CPSF7: variants seen among roughly 807,000 people sequenced by gnomAD.
CPSF7 encodes the protein cleavage and polyadenylation specificity factor subunit 7.
Under a neutral mutation model 44.3 loss-of-function variants are expected in CPSF7, and 1 was observed. That is an observed-to-expected ratio of 0.02 (90% CI 0.01 to 0.11). The LOEUF (loss-of-function observed/expected upper bound fraction) is 0.11, where lower values mean the gene tolerates loss of function less well. CPSF7 is among the 10% of genes least tolerant of loss of function. The probability of loss-of-function intolerance (pLI) is 1.00; values close to 1 mark genes in which losing one functional copy is unlikely to be tolerated. For missense variants in CPSF7, 443 were observed against 607.2 expected, an observed-to-expected ratio of 0.73 and a Z score of 2.84; for synonymous variants, 202 against 222.0, an observed-to-expected ratio of 0.91 and a Z score of 0.80.
At chr11:61,429,694 T>C in intron 1 of CPSF7, 5 of 1,511,688 alleles carry the variant, frequency 3.3e-6, no homozygotes, top group African/African-American at 1.4e-5. Flanking sequence ...CAGCCGCCTC[T>C]GCCCCCAACC....
In CPSF7 at chr11:61,416,430, G is replaced by C; in HGVS notation, c.613C>G (p.Arg205Gly). The change falls in exon 6 of 10, where the codon CGT becomes GGT. Residue 205 changes from arginine to glycine, a missense_variant. By Grantham distance (125) the Arg-to-Gly change is moderately radical (BLOSUM62 -2). Transcript: ENST00000439958. ...PSENLVPSSA[R>G]VDKPPSVLPY... ...AGCACACTGGGGGGCTTATCCACAC[G>C]AGCAGATGAGGGTACAAGGTTCTCA... 4.3e-6 allele frequency: 7 copies of C among 1,614,030 alleles called. No individual in the cohort carries two copies. The highest frequency in any genetic ancestry group is 5.9e-6 in the Non-Finnish European group (7 of 1,179,936).
Position 61,416,375 on chromosome 11 carries a change from A to G in CPSF7, c.668T>C (p.Leu223Pro). The G allele has an allele frequency of 6.2e-7, 1 of 1,611,210 alleles. No individual in the cohort carries two copies. The highest frequency in any genetic ancestry group is 8.5e-7 in the Non-Finnish European group (1 of 1,178,452). The change falls in exon 6 of 10, where the codon CTT becomes CCT. Residue 223 changes from leucine (L) to proline (P), a missense_variant. Coordinates refer to ENST00000439958, the MANE Select transcript of CPSF7 (RefSeq NM_001142565.3). ...LPYFNRPPSA[L>P]PLMGLPPPPI... Reference sequence around the variant, plus strand: ...TGGTGGGGGCAGACCCATCAGGGGAAGGGCCGAAGGAGGACGATTGAAGTA... The same window carrying G: ...TGGTGGGGGCAGACCCATCAGGGGAGGGGCCGAAGGAGGACGATTGAAGTA...
At chr11:61,428,495 T>C (rs1219278198) in intron 2 of CPSF7, among the ~76,000 whole-genome samples, 2 of 152,164 alleles carry the variant, frequency 1.3e-5, no homozygotes, top group Non-Finnish European at 2.9e-5. Context: ...TCTAGATAAA[T>C]TTCTGTATAA....
intron 2 of CPSF7, among the ~76,000 whole-genome samples, chr11:61,428,352 T>C (rs1008013292): frequency 6.6e-6 from 1 of 151,222 alleles, no homozygotes; most frequent in African/African-American, 2.4e-5. Context: ...CTCGTTGTTG[T>C]TTTTTTTTAC....
intron 6 of CPSF7, 58 bp from the exon 7 acceptor site, chr11:61,415,842 T>TTG (rs1168207995): frequency 2.5e-5 from 31 of 1,245,058 alleles, no homozygotes; most frequent in Non-Finnish European, 3.5e-5. Flanking sequence ...TTTACTGTAC[T>TTG]CTACAACACT....
At chr11:61,412,751 GCA>G (rs1196879652) in intron 7 of CPSF7, among the ~76,000 whole-genome samples, 2 of 152,204 alleles carry the variant, frequency 1.3e-5, no homozygotes, top group African/African-American at 4.8e-5. Flanking sequence ...ACAGTGCCAG[GCA>G]CACAGTAAGG....
chr11:61,424,790 T>C (rs992228236), intron 2 of CPSF7, among the ~76,000 whole-genome samples: 2 of 152,184 alleles, frequency 1.3e-5, no homozygotes, highest in Non-Finnish European at 1.5e-5. Context: ...AAATGACACG[T>C]AAACAGAATA....
intron 9 of CPSF7, among the ~76,000 whole-genome samples, chr11:61,409,360 T>C (rs1317434761): frequency 6.6e-6 from 1 of 150,934 alleles, no homozygotes; most frequent in Non-Finnish European, 1.5e-5. Context: ...TAATCCCAGC[T>C]ACTCGGGAGG....
At chr11:61,423,055 A>G (rs944162135) in intron 2 of CPSF7, among the ~76,000 whole-genome samples, 1 of 114,386 alleles carries the variant, frequency 8.7e-6, no homozygotes, top group African/African-American at 3.3e-5. Context: ...CGAGCCCGGG[A>G]GGTTGAGGTT....
intron 2 of CPSF7, among the ~76,000 whole-genome samples, chr11:61,425,569 C>T (rs1861270334): frequency 6.6e-6 from 1 of 152,222 alleles, no homozygotes; most frequent in Non-Finnish European, 1.5e-5. Flanking sequence ...ATAAGATCTT[C>T]TCCACTTGTC....
chr11:61,415,094 C>T (rs1056723069), intron 7 of CPSF7, among the ~76,000 whole-genome samples: 2 of 152,050 alleles, frequency 1.3e-5, no homozygotes, highest in African/African-American at 2.4e-5. Flanking sequence ...AAAAATTAGC[C>T]GGGCGTGGTG....
intron 6 of CPSF7, 63 bp from the exon 7 acceptor site, chr11:61,415,847 A>G: frequency 8.2e-7 from 1 of 1,217,918 alleles, no homozygotes. Context: ...TGTACTCTAC[A>G]ACACTTTGGT....
rs533375095 is a variant in CPSF7 at position 61,403,067 on chromosome 11, A to G, written c.*1643T>C. 4.4e-5 allele frequency: 6 copies of G among 137,318 alleles called. No homozygotes were observed. The East Asian group carries it at 1.2e-3, about 28-fold the overall frequency. 8.5% of individuals were successfully genotyped at this position (137,318 alleles called of 1,614,324 possible). Reference sequence around the variant, plus strand: ...GGTGGGGTGCCATGTTCTGAAGTGGAGGTGGGGATGGGGTTGGGGGACAGG... The same window carrying G: ...GGTGGGGTGCCATGTTCTGAAGTGGGGGTGGGGATGGGGTTGGGGGACAGG... On this transcript the variant is annotated 3_prime_UTR_variant, in exon 10 of 10. Coordinates refer to ENST00000439958, the MANE Select transcript of CPSF7 (RefSeq NM_001142565.3).
intron 2 of CPSF7, among the ~76,000 whole-genome samples, chr11:61,422,914 C>T (rs1325583178): frequency 6.6e-6 from 1 of 151,794 alleles, no homozygotes; most frequent in Non-Finnish European, 1.5e-5. Flanking sequence ...AGGCAAACTG[C>T]TTGAGCCCAA....
chr11:61,413,351 G>T (rs554105105), intron 7 of CPSF7, among the ~76,000 whole-genome samples: 1 of 152,064 alleles, frequency 6.6e-6, no homozygotes, highest in East Asian at 1.9e-4. Flanking sequence ...AAAAATTATG[G>T]CTGGATGCAG....
In CPSF7 at chr11:61,422,833, A is replaced by C. The variant is rs533860587; in HGVS notation, c.55-1225T>G. Among the ~76,000 whole-genome samples, 26 of 152,258 alleles carry C rather than the reference A, an allele frequency of 1.7e-4. 1 individual carries two copies. Among genetic ancestry groups the C allele is most frequent in the African/African-American group, 6.3e-4 (26 of 41,556 alleles). ...TACTACTACTACGATACAGGACCTT[A>C]ATGTTTAGGATTTTACAGGCTGGGT... On this transcript the variant is annotated intron_variant, in intron 2 of 9. Transcript: ENST00000439958.
chr11:61,419,895 C>G (rs769416570), intron 5 of CPSF7, 54 bp downstream of exon 5: 3 of 1,597,856 alleles, frequency 1.9e-6, no homozygotes, highest in Non-Finnish European at 2.6e-6. Flanking sequence ...CAAACACCCC[C>G]CCCTCATACA....
intron 7 of CPSF7, among the ~76,000 whole-genome samples, chr11:61,413,920 T>A (rs780821298): frequency 6.6e-6 from 1 of 152,118 alleles, no homozygotes; most frequent in African/African-American, 2.4e-5. Context: ...AGACATCAGC[T>A]CCATCCTGGC....
At chr11:61,429,460 G>A in intron 1 of CPSF7, 170 bp from the exon 2 acceptor site, 2 of 486,400 alleles carry the variant, frequency 4.1e-6, no homozygotes, top group Non-Finnish European at 7.1e-6. Context: ...CGCTCTCCCA[G>A]GCCGCCGGGG....
Sources: gnomAD v4.1 joint callset for allele counts (sites outside exome capture counted in the v4.1 genomes callset) on GRCh38, gnomAD v4.1.1 for gene constraint, MANE v1.5 for transcripts, NCBI Gene and HGNC (gene_info 2026-07-23, HGNC 2026-07-21) for gene names.